The following ROBO2 variants were observed in gnomAD, a reference collection of about 807,000 sequenced individuals.
The protein encoded by ROBO2 is roundabout homolog 2.
ROBO2 carries 53 observed loss-of-function variants against 160.8 expected under a neutral mutation model. That is an observed-to-expected ratio of 0.33 (90% confidence interval 0.26 to 0.41). The LOEUF is 0.41. ROBO2 is among the 10% of genes least tolerant of loss of function. ROBO2 has a pLI of 1.00. For missense variants in ROBO2, 1,577 were observed against 1,722.4 expected, an observed-to-expected ratio of 0.92 and a Z score of 1.49; for synonymous variants, 664 against 611.7, an observed-to-expected ratio of 1.09 and a Z score of -1.26.
chr3:77,521,288 G>A lies in ROBO2; in HGVS notation c.807-1487G>A, dbSNP rs190417838. Among the ~76,000 whole-genome samples, 25 of 151,356 alleles carry A rather than the reference G, an allele frequency of 1.7e-4. 1 individual carries two copies. Among genetic ancestry groups the A allele is most frequent in the African/African-American group, 5.8e-4 (24 of 41,440 alleles). ...CTCTGGCCATTTTGCTCCTGAGCCT[G>A]TGCTCTTAACCACTTGATTTTGCTA... is the stretch of plus-strand genomic sequence containing the variant. On this transcript the variant is annotated intron_variant, in intron 5 of 25. Coordinates refer to ENST00000461745, the Ensembl canonical transcript of ROBO2.
intron 2 of ROBO2, among the ~76,000 whole-genome samples, chr3:77,242,890 C>T (rs762478481): frequency 1.3e-4 from 19 of 150,450 alleles, no homozygotes; most frequent in Non-Finnish European, 2.1e-4. Flanking sequence ...TCATATCTTC[C>T]CTGGTTTACA....
chr3:76,191,093 A>T (rs886198080), intron 2 of ROBO2, among the ~76,000 whole-genome samples: 2 of 152,284 alleles, frequency 1.3e-5, no homozygotes, highest in Admixed American at 1.3e-4. Context: ...ACAACTCTTA[A>T]GTGGTGCTAA....
chr3:76,871,599 C>T lies in ROBO2; in HGVS notation c.110-226415C>T, dbSNP rs186960074. The stretch of plus-strand genomic sequence containing the variant: ...AAAGAAAAATACCTCCTTAGCTAAA[C>T]TTCCAATCAACCATTGAGTCACTTA... On this transcript the variant is annotated intron_variant, in intron 2 of 26. Transcript: ENST00000487694. Among the ~76,000 whole-genome samples the T allele has an allele frequency of 3.5e-3, 526 of 151,438 alleles. 4 individuals are homozygous for T. The highest frequency in any genetic ancestry group is 0.012 in the African/African-American group (499 of 41,380).
chr3:77,204,422 G>T (rs1430745266), intron 2 of ROBO2, among the ~76,000 whole-genome samples: 1 of 152,012 alleles, frequency 6.6e-6, no homozygotes, highest in Non-Finnish European at 1.5e-5. Context: ...AAGAATTAAG[G>T]TTCAGCTTTT....
At position 77,210,039 on chromosome 3, in the gene ROBO2, G is replaced by A. The variant is rs560607647; in HGVS notation, c.388+111699G>A. ...CCAAGAATCTTTACATTATAAATTA[G>A]GCTACATTACATTTGTGGATTTGGT... On this transcript the variant is annotated intron_variant, in intron 2 of 25. Coordinates refer to ENST00000461745, the Ensembl canonical transcript of ROBO2. 1.6e-3 allele frequency among the ~76,000 whole-genome samples: 239 copies of A among 152,152 alleles called. 1 individual carries two copies. Among genetic ancestry groups the A allele is most frequent in the Middle Eastern group, 3.4e-3 (1 of 294 alleles).
chr3:77,103,673 T>C (rs1167429747), intron 2 of ROBO2, among the ~76,000 whole-genome samples: 2 of 152,178 alleles, frequency 1.3e-5, no homozygotes. Context: ...ATGAAAGTCA[T>C]TTAGAGAAGA....
intron 2 of ROBO2, among the ~76,000 whole-genome samples, chr3:77,439,144 T>G (rs981188284): frequency 9.9e-5 from 15 of 152,098 alleles, no homozygotes; most frequent in African/African-American, 3.6e-4. Flanking sequence ...ATTTTCTAAA[T>G]GTTAATTAAA....
rs745887594 is a variant in ROBO2, at chr3:77,574,748, G to A, written c.2203+18G>A. 8 of 1,592,764 alleles carry A rather than the reference G, an allele frequency of 5.0e-6. No individual in the cohort carries two copies. The African/African-American group carries it at 6.7e-5, about 13-fold the overall frequency. On this transcript the variant is annotated intron_variant, in intron 14 of 25. Coordinates refer to ENST00000461745, the Ensembl canonical transcript of ROBO2. ...TGAAGAAGGTCAGTATTCAGATTTC[G>A]AATATAAATCAAACATGATGAAACC...
chr3:75,923,952 A>C (rs1264254548), intron 1 of ROBO2, among the ~76,000 whole-genome samples: 2 of 152,246 alleles, frequency 1.3e-5, no homozygotes. Context: ...TCTACTGTGC[A>C]CAATGTGTTA....
At position 77,152,097 on chromosome 3, in the gene ROBO2, C is replaced by T. The variant is rs2077594322; in HGVS notation, c.388+53757C>T. ...CCTGTTACTCAATGTATTCATTCAGCAGAGTACATTTATGCTACAACTATG... is the reference window on the plus strand; with the variant it reads ...CCTGTTACTCAATGTATTCATTCAGTAGAGTACATTTATGCTACAACTATG... On this transcript the variant is annotated intron_variant, in intron 2 of 25. Transcript: ENST00000461745. Among the ~76,000 whole-genome samples the T allele has an allele frequency of 2.0e-5, 3 of 152,252 alleles. No individual in the cohort carries two copies. The South Asian group carries it at 6.2e-4, about 32-fold the overall frequency.
At chr3:76,002,928 C>A (rs565876897) in intron 2 of ROBO2, among the ~76,000 whole-genome samples, 1 of 152,316 alleles carries the variant, frequency 6.6e-6, no homozygotes, top group African/African-American at 2.4e-5. Flanking sequence ...TTTGTTAGGG[C>A]AGCCCCAGGA....
At chr3:76,226,211 G>C (rs1010356927) in intron 2 of ROBO2, among the ~76,000 whole-genome samples, 11 of 152,140 alleles carry the variant, frequency 7.2e-5, no homozygotes, top group African/African-American at 2.2e-4. Flanking sequence ...TTTAACATTA[G>C]AGAAGGCAAA....
At chr3:77,106,279 G>A (rs1304272471) in intron 2 of ROBO2, among the ~76,000 whole-genome samples, 1 of 152,138 alleles carries the variant, frequency 6.6e-6, no homozygotes, top group Non-Finnish European at 1.5e-5. Context: ...TTGGCCTCAA[G>A]CAATCCTCTC....
At chr3:76,991,900 C>A (rs749417366) in intron 2 of ROBO2, among the ~76,000 whole-genome samples, 9 of 152,070 alleles carry the variant, frequency 5.9e-5, no homozygotes, top group Non-Finnish European at 1.3e-4. Context: ...TCCTCAAATG[C>A]AGGGTTATCT....
At chr3:76,406,332 TATG>T (rs1221444991) in intron 2 of ROBO2, among the ~76,000 whole-genome samples, 3 of 151,916 alleles carry the variant, frequency 2.0e-5, no homozygotes, top group African/African-American at 7.2e-5. Context: ...GAATGCTCTC[TATG>T]ATGATAACTA....
rs138140472 is a variant in ROBO2 at position 76,524,642 on chromosome 3, A to C, written c.110-573372A>C. On this transcript the variant is annotated intron_variant, in intron 2 of 26. Transcript: ENST00000487694. ...AAATGAGTTGATTTCTCTTATCCTT[A>C]TACTACTGTGTTTAGTTTATGATCC... 1.4e-3 allele frequency among the ~76,000 whole-genome samples: 210 copies of C among 151,630 alleles called. 4 individuals carry two copies. In the East Asian group the frequency reaches 0.033, roughly 24 times the overall value.
rs2065796071 is a variant in ROBO2 at position 77,329,733 on chromosome 3, C to T, written c.389-147681C>T. ...TGTGCATTCATCCAATTTGTACAGT[C>T]AGTCTAAGGATTCAGGCAGACTACA... On this transcript the variant is annotated intron_variant, in intron 2 of 25. Transcript: ENST00000461745. Among the ~76,000 whole-genome samples, 4 of 152,296 alleles carry T rather than the reference C, an allele frequency of 2.6e-5. No homozygotes were observed. In the South Asian group the frequency reaches 8.3e-4, roughly 32 times the overall value.
intron 2 of ROBO2, among the ~76,000 whole-genome samples, chr3:76,314,581 C>T (rs2071849056): frequency 6.6e-6 from 1 of 152,112 alleles, no homozygotes; most frequent in Admixed American, 6.6e-5. Context: ...CTCTCCTCTT[C>T]TTCTTTAACC....
chr3:76,150,876 T>C (rs1270886834), intron 2 of ROBO2, among the ~76,000 whole-genome samples: 1 of 152,158 alleles, frequency 6.6e-6, no homozygotes, highest in Non-Finnish European at 1.5e-5. Context: ...ATGCTTGTGA[T>C]AGATGACCAA....
Sources: allele counts gnomAD v4.1 joint callset (sites outside exome capture counted in the v4.1 genomes callset), GRCh38; gene constraint gnomAD v4.1.1; transcripts MANE v1.5; gene names NCBI Gene and HGNC (gene_info 2026-07-23, HGNC 2026-07-21).